The following SERPINB12 variants were observed in gnomAD, a reference collection of about 807,000 sequenced individuals.
SERPINB12 encodes serpin family B member 12.
SERPINB12 carries 57 observed loss-of-function variants against 41.1 expected under a neutral mutation model. That is an observed-to-expected ratio of 1.39 (90% CI 1.12 to 1.73). SERPINB12 has a LOEUF of 1.73. Among genes scored for constraint, SERPINB12 ranks in the 40% most tolerant of loss-of-function variants. The probability of loss-of-function intolerance (pLI) is 0.00; values close to 1 mark genes in which losing one functional copy is unlikely to be tolerated. For missense variants in SERPINB12, 536 were observed against 501.9 expected (o/e 1.07, Z -0.65); for synonymous variants, 180 against 181.3 (o/e 0.99, Z 0.06).
At chr18:63,543,665 G>T (rs770768791) in intron 1 of SERPINB12, among the ~76,000 whole-genome samples, 2 of 151,768 alleles carry the variant, frequency 1.3e-5, no homozygotes, top group Non-Finnish European at 2.9e-5. Context: ...CGTGATCTTG[G>T]CTTACAGCAA....
rs573022578 is a variant in SERPINB12, at chr18:63,558,308, CT to C, written c.169-43del. 1.2e-3 allele frequency: 1,818 copies of C among 1,580,132 alleles called. 2 individuals are homozygous for C. Among genetic ancestry groups the C allele is most frequent in the Non-Finnish European group, 1.5e-3 (1,726 of 1,164,284 alleles). ...TGTTTCTGAAGTTATTCAGGCTTCC[CT>C]CTGTTCATATTATCTGAAAGACCCC... is the stretch of plus-strand genomic sequence containing the variant. On this transcript the variant is annotated intron_variant, in intron 2 of 7. Transcript: ENST00000382768.
the SERPINB12 span, among the ~76,000 whole-genome samples, chr18:63,535,925 T>C: frequency 3.9e-5 from 6 of 152,088 alleles, no homozygotes; most frequent in Non-Finnish European, 8.8e-5. Context: ...TAGATGTGTG[T>C]GTATATATAT....
At chr18:63,525,919 A>T in the SERPINB12 span, among the ~76,000 whole-genome samples, 1 of 152,216 alleles carries the variant, frequency 6.6e-6, no homozygotes, top group South Asian at 2.1e-4. Flanking sequence ...AGCCTTATTC[A>T]TGAAAGACTT....
chr18:63,537,293 C>T, the SERPINB12 span, among the ~76,000 whole-genome samples: 1 of 152,168 alleles, frequency 6.6e-6, no homozygotes, highest in African/African-American at 2.4e-5. Flanking sequence ...CTACATGTTC[C>T]TCCAGGGAAG....
intron 1 of SERPINB12, among the ~76,000 whole-genome samples, chr18:63,549,348 G>A (rs1419164795): frequency 6.6e-6 from 1 of 152,104 alleles, no homozygotes; most frequent in Non-Finnish European, 1.5e-5. Context: ...TTCATTAGAA[G>A]TTAAATCGTG....
intron 6 of SERPINB12, among the ~76,000 whole-genome samples, chr18:63,564,620 G>T (rs1911030948): frequency 1.3e-5 from 2 of 152,180 alleles, no homozygotes; most frequent in African/African-American, 4.8e-5. Context: ...CCACCTTGAG[G>T]TTATTATGAG....
At position 63,566,825 on chromosome 18, in the gene SERPINB12, TATCC is replaced by T; in HGVS notation, c.1094_1097del (p.Ile365ThrfsTer87). The T allele has an allele frequency of 1.2e-6, 2 of 1,614,164 alleles. No homozygotes were observed. The highest frequency in any genetic ancestry group is 1.7e-6 in the Non-Finnish European group (2 of 1,180,008). On this transcript the variant is annotated frameshift_variant, in exon 8 of 8. Transcript: ENST00000382768. LOFTEE classifies it high-confidence loss of function. Reference sequence around the variant, plus strand: ...GTCCCAATTTGTACTTGTCAAAAATTATCCACAAAACCTTTGTGGAGGTGGATGA... The same window carrying T: ...GTCCCAATTTGTACTTGTCAAAAATTACAAAACCTTTGTGGAGGTGGATGA...
At chr18:63,563,263 C>A (rs181847688) in intron 5 of SERPINB12, among the ~76,000 whole-genome samples, 1 of 152,300 alleles carries the variant, frequency 6.6e-6, no homozygotes, top group Non-Finnish European at 1.5e-5. Flanking sequence ...TAAGCATATA[C>A]CTTATGCTAT....
chr18:63,555,545 C>A (rs562261992), intron 1 of SERPINB12, among the ~76,000 whole-genome samples: 1 of 152,252 alleles, frequency 6.6e-6, no homozygotes, highest in South Asian at 2.1e-4. Flanking sequence ...GTGAATATGA[C>A]CTTGTTTGGA....
chr18:63,554,040 C>T (rs1910598859), intron 1 of SERPINB12, among the ~76,000 whole-genome samples: 1 of 146,604 alleles, frequency 6.8e-6, no homozygotes, highest in Non-Finnish European at 1.5e-5. Context: ...CAAAGTACGT[C>T]TCAAACCCAG....
chr18:63,564,229 A>T, intron 6 of SERPINB12, 109 bp downstream of exon 6: 1 of 1,223,174 alleles, frequency 8.2e-7, no homozygotes, highest in South Asian at 1.6e-5. Context: ...TACAATAAGA[A>T]CATTTTTCGT....
At position 63,560,934 on chromosome 18, in the gene SERPINB12, G is replaced by A. The variant is rs533179571; in HGVS notation, c.445-151G>A. The A allele has an allele frequency of 5.4e-5, 34 of 629,380 alleles. No individual in the cohort carries two copies. The African/African-American group carries it at 5.9e-4, about 11-fold the overall frequency. 39.0% of individuals were successfully genotyped at this position (629,380 alleles called of 1,614,324 possible). On this transcript the variant is annotated intron_variant, in intron 4 of 7. Coordinates refer to ENST00000382768, the MANE Select transcript of SERPINB12 (RefSeq NM_001307928.2). Reference sequence around the variant, plus strand: ...AATGTCTCTGGCTAGTTTAAGACTGGGGATGGCTAGAAACTGTCAGGCCTG... The same window carrying A: ...AATGTCTCTGGCTAGTTTAAGACTGAGGATGGCTAGAAACTGTCAGGCCTG...
rs368497688 is a variant in SERPINB12 at position 63,556,241 on chromosome 18, A to T, written c.82A>T (p.Ile28Leu). 2 of 1,613,968 alleles carry T rather than the reference A, an allele frequency of 1.2e-6. No homozygotes were observed. Among genetic ancestry groups the T allele is most frequent in the African/African-American group, 2.7e-5 (2 of 74,914 alleles). The stretch of plus-strand genomic sequence containing the variant: ...AGGCAAAGATGATCGTCATAAAAAC[A>T]TATTTTTCTCTCCCCTGAGCCTCTC... ...EIGKDDRHKN[I>L]FFSPLSLSAA... The change falls in exon 2 of 8, where the codon ATA becomes TTA. Residue 28 changes from isoleucine (I) to leucine (L), a missense_variant. By Grantham distance (5) the Ile-to-Leu change is conservative. Transcript: ENST00000382768.
chr18:63,523,854 A>G, the SERPINB12 span, among the ~76,000 whole-genome samples: 1 of 152,240 alleles, frequency 6.6e-6, no homozygotes, highest in African/African-American at 2.4e-5. Context: ...CAGAAACAGC[A>G]GGAGGCAGTG....
intron 2 of SERPINB12, 52 bp downstream of exon 2, chr18:63,556,379 C>A (rs1031876534): frequency 1.3e-6 from 2 of 1,545,208 alleles, no homozygotes; most frequent in Non-Finnish European, 8.8e-7. Context: ...GGTCCACACT[C>A]AAAGTCAGAC....
chr18:63,552,089 T>A (rs1910546131), intron 1 of SERPINB12, among the ~76,000 whole-genome samples: 1 of 152,002 alleles, frequency 6.6e-6, no homozygotes, highest in Admixed American at 6.6e-5. Context: ...AAATAAGGAT[T>A]AGGGAGGGGA....
At chr18:63,563,220 T>A (rs145393208) in intron 5 of SERPINB12, among the ~76,000 whole-genome samples, 89 of 152,380 alleles carry the variant, frequency 5.8e-4, no homozygotes, top group African/African-American at 2.0e-3. Flanking sequence ...TATATCATGG[T>A]CTAGCACATT....
At chr18:63,520,080 C>G in the SERPINB12 span, among the ~76,000 whole-genome samples, 1 of 152,188 alleles carries the variant, frequency 6.6e-6, no homozygotes, top group Admixed American at 6.5e-5. Flanking sequence ...TAGTCCAAAC[C>G]AGGGCCTTCA....
At chr18:63,553,078 A>G (rs1007613581) in intron 1 of SERPINB12, among the ~76,000 whole-genome samples, 8 of 152,226 alleles carry the variant, frequency 5.3e-5, no homozygotes, top group African/African-American at 1.7e-4. Flanking sequence ...GCTTAGAACC[A>G]GGTAACACTC....
Sources: allele counts gnomAD v4.1 joint callset (sites outside exome capture counted in the v4.1 genomes callset), GRCh38; gene constraint gnomAD v4.1.1; transcripts MANE v1.5; gene names NCBI Gene and HGNC (gene_info 2026-07-23, HGNC 2026-07-21).